DHRSX: variants seen among roughly 807,000 people sequenced by gnomAD.
DHRSX encodes dehydrogenase/reductase X-linked, also known as polyprenol dehydrogenase.
A neutral mutation model predicts 34.0 loss-of-function variants in DHRSX; 31 were observed. The observed-to-expected ratio is 0.91, with a 90% confidence interval of 0.69 to 1.23. The LOEUF (loss-of-function observed/expected upper bound fraction) is 1.23, where lower values mean the gene tolerates loss of function less well. Ranked by LOEUF, DHRSX falls within the 50% of genes most tolerant of loss-of-function variation. The probability of loss-of-function intolerance (pLI) is 0.00; values close to 1 mark genes in which losing one functional copy is unlikely to be tolerated. For missense variants in DHRSX, 414 were observed against 428.1 expected (o/e 0.97, Z 0.29); for synonymous variants, 201 against 183.8 (o/e 1.09, Z -0.76).
intron 1 of DHRSX, among the ~76,000 whole-genome samples, chrX:2,452,120 C>A (rs1406454423): frequency 6.6e-6 from 1 of 150,940 alleles, no homozygotes; most frequent in Non-Finnish European, 1.5e-5. Flanking sequence ...ACTAAGCATA[C>A]GGCCAAGGGA....
At chrX:2,325,332 C>G (rs1434241065) in intron 3 of DHRSX, among the ~76,000 whole-genome samples, 1 of 151,766 alleles carries the variant, frequency 6.6e-6, no homozygotes, top group African/African-American at 2.4e-5. Context: ...TCCATCTTCC[C>G]GGCAGGAACT....
At chrX:2,488,376 T>C (rs2045005806) in intron 1 of DHRSX, 3 of 445,300 alleles carry the variant, frequency 6.7e-6, no homozygotes, top group Non-Finnish European at 7.8e-6. Flanking sequence ...GGTTTCGCCA[T>C]GTTGGCCAGG....
chrX:2,221,347 G>A, intron 6 of DHRSX, 118 bp from the exon 7 acceptor site: 2 of 1,063,704 alleles, frequency 1.9e-6, no homozygotes, highest in Non-Finnish European at 2.7e-6. Flanking sequence ...GCTGCACTGA[G>A]AAATGTATGC....
At chrX:2,298,394 T>TTAA (rs1556457044) in intron 3 of DHRSX, among the ~76,000 whole-genome samples, 4 of 132,440 alleles carry the variant, frequency 3.0e-5, no homozygotes, top group Admixed American at 7.7e-5. Flanking sequence ...GGTCTTTTGT[T>TTAA]AAAAAAAAAA....
rs1420219868 is a variant in DHRSX, at chrX:2,259,251, C to T, written c.596+7489G>A. 1.2e-4 allele frequency among the ~76,000 whole-genome samples: 18 copies of T among 148,574 alleles called. No individual in the cohort carries two copies. The East Asian group carries it at 2.9e-3, about 24-fold the overall frequency. Reference sequence around the variant, plus strand: ...TCGCACCACTGCATTGCAGCCTGGGCGACAGAGCAAGACTCTGTCTCAAAA... The same window carrying T: ...TCGCACCACTGCATTGCAGCCTGGGTGACAGAGCAAGACTCTGTCTCAAAA... On this transcript the variant is annotated intron_variant, in intron 5 of 6. Coordinates refer to ENST00000334651, the MANE Select transcript of DHRSX (RefSeq NM_145177.3).
At chrX:2,324,596 G>T (rs2042354038) in intron 3 of DHRSX, among the ~76,000 whole-genome samples, 1 of 151,940 alleles carries the variant, frequency 6.6e-6, no homozygotes, top group Admixed American at 6.6e-5. Flanking sequence ...GCTCTTCAGG[G>T]ACCATGTCCT....
At chrX:2,276,075 C>G (rs2041634376) in intron 4 of DHRSX, among the ~76,000 whole-genome samples, 1 of 152,160 alleles carries the variant, frequency 6.6e-6, no homozygotes, top group Non-Finnish European at 1.5e-5. Context: ...AACTCCTGAC[C>G]TCGTGATCCA....
chrX:2,317,500 C>A (rs1366851694), intron 3 of DHRSX, among the ~76,000 whole-genome samples: 1 of 151,874 alleles, frequency 6.6e-6, no homozygotes, highest in African/African-American at 2.4e-5. Context: ...GATCCACCTG[C>A]CTCGGCCTCC....
chrX:2,227,652 G>T (rs1168061665), intron 6 of DHRSX, among the ~76,000 whole-genome samples: 1 of 104,678 alleles, frequency 9.6e-6, no homozygotes, highest in African/African-American at 3.9e-5. Flanking sequence ...AGAAGGAAAG[G>T]AGGAAGGAAG....
intron 1 of DHRSX, among the ~76,000 whole-genome samples, chrX:2,428,556 T>G (rs975245357): frequency 1.3e-5 from 2 of 151,864 alleles, no homozygotes; most frequent in African/African-American, 4.8e-5. Context: ...CACTCACAAG[T>G]GGGAGTTGAA....
chrX:2,224,609 C>G (rs1169708688), intron 6 of DHRSX, among the ~76,000 whole-genome samples: 1 of 152,148 alleles, frequency 6.6e-6, no homozygotes, highest in African/African-American at 2.4e-5. Context: ...AAGAAAAACA[C>G]ACGCACACAC....
At position 2,291,514 on chromosome X, in the gene DHRSX, G is replaced by A. The variant is rs757649957; in HGVS notation, c.376C>T (p.Leu126=). 11 of 1,613,522 alleles carry A rather than the reference G, an allele frequency of 6.8e-6. No homozygotes were observed. The highest frequency in any genetic ancestry group is 9.3e-6 in the Non-Finnish European group (11 of 1,179,492). ...FKMKKIPLHV[L]INNAGVMMVP... is the part of the protein sequence containing the mutation. Reference sequence around the variant, plus strand: ...CACCAGGACTCACCATTGTTGATCAGGACATGGAGAGGAATCTTCTTCATC... The same window carrying A: ...CACCAGGACTCACCATTGTTGATCAAGACATGGAGAGGAATCTTCTTCATC... The change falls in exon 4 of 7, where the codon CTG becomes TTG. Residue 126 remains leucine (L), a synonymous_variant. Coordinates refer to ENST00000334651, the MANE Select transcript of DHRSX (RefSeq NM_145177.3).
chrX:2,334,596 T>G (rs1339522310), intron 3 of DHRSX: 1 of 152,062 alleles, frequency 6.6e-6, no homozygotes, highest in Non-Finnish European at 1.5e-5. Context: ...TGGGACCACA[T>G]GTACACACCA....
At chrX:2,236,488 G>A (rs111674064) in intron 6 of DHRSX, among the ~76,000 whole-genome samples, 23 of 152,218 alleles carry the variant, frequency 1.5e-4, no homozygotes, top group Non-Finnish European at 2.4e-4. Context: ...CTGGAGTGCA[G>A]TGGCGCGATC....
At chrX:2,225,551 G>A (rs903029575) in intron 6 of DHRSX, among the ~76,000 whole-genome samples, 5 of 152,164 alleles carry the variant, frequency 3.3e-5, no homozygotes, top group Non-Finnish European at 7.3e-5. Context: ...GCCTCAGGAG[G>A]AACCAGCCCT....
intron 1 of DHRSX, among the ~76,000 whole-genome samples, chrX:2,427,003 C>T (rs1238080599): frequency 2.0e-5 from 3 of 152,126 alleles, no homozygotes; most frequent in Non-Finnish European, 4.4e-5. Flanking sequence ...CATTTGGTTC[C>T]CCTGGGAAAG....
At chrX:2,359,074 G>A (rs762429351) in intron 3 of DHRSX, among the ~76,000 whole-genome samples, 1 of 152,110 alleles carries the variant, frequency 6.6e-6, no homozygotes, top group African/African-American at 2.4e-5. Flanking sequence ...CAGTCATAAA[G>A]GCTATTACTA....
chrX:2,480,502 T>C (rs1418159737), intron 1 of DHRSX, among the ~76,000 whole-genome samples: 3 of 126,866 alleles, frequency 2.4e-5, no homozygotes, highest in Non-Finnish European at 4.9e-5. Flanking sequence ...GGCAACATAA[T>C]GAAACCGCAT....
At chrX:2,354,771 A>G (rs778445972) in intron 3 of DHRSX, among the ~76,000 whole-genome samples, 4 of 152,184 alleles carry the variant, frequency 2.6e-5, no homozygotes, top group South Asian at 2.1e-4. Flanking sequence ...CTGTCCGTCC[A>G]TCTTAAGCAG....
Sources: gnomAD v4.1 joint callset for allele counts (sites outside exome capture counted in the v4.1 genomes callset) on GRCh38, gnomAD v4.1.1 for gene constraint, MANE v1.5 for transcripts, NCBI Gene and HGNC (gene_info 2026-07-23, HGNC 2026-07-21) for gene names.